ENTPD3: variants seen among roughly 807,000 people sequenced by gnomAD.
ENTPD3 encodes the protein CD39 antigen-like 3.
A neutral mutation model predicts 51.2 loss-of-function variants in ENTPD3; 60 were observed. The observed-to-expected ratio is 1.17, with a 90% CI of 0.95 to 1.45. The LOEUF (loss-of-function observed/expected upper bound fraction) is 1.45, where lower values mean the gene tolerates loss of function less well. ENTPD3 is among the 40% of genes most tolerant of loss of function. ENTPD3 has a pLI of 0.00. For missense variants in ENTPD3, 593 were observed against 641.1 expected, an observed-to-expected ratio of 0.93 and a Z score of 0.81; for synonymous variants, 221 against 238.4, an observed-to-expected ratio of 0.93 and a Z score of 0.67.
chr3:40,398,197 T>G (rs1559509113), intron 3 of ENTPD3, among the ~76,000 whole-genome samples: 1 of 152,118 alleles, frequency 6.6e-6, no homozygotes, highest in South Asian at 2.1e-4. Flanking sequence ...TGGATCCCAG[T>G]TGGAGTTACA....
At chr3:40,420,844 A>C (rs1007351462) in intron 7 of ENTPD3, among the ~76,000 whole-genome samples, 1 of 151,866 alleles carries the variant, frequency 6.6e-6, no homozygotes, top group African/African-American at 2.4e-5. Context: ...GTTGGGCTAA[A>C]TGTCTGAGTC....
In ENTPD3 at chr3:40,392,056, T is replaced by C. The variant is rs1955069690; in HGVS notation, c.74T>C (p.Ile25Thr). 2.5e-6 allele frequency: 4 copies of C among 1,613,968 alleles called. No homozygotes were observed. The highest frequency in any genetic ancestry group is 1.3e-5 in the African/African-American group (1 of 74,940). ...LKALYRTPTI[I>T]ALVVLLVSIV... is the part of the protein sequence containing the mutation. ...GCCCTCTACCGAACTCCAACCATCATTGCCTTGGTGGTCTTGCTTGTGAGT... is the reference window on the plus strand; with the variant it reads ...GCCCTCTACCGAACTCCAACCATCACTGCCTTGGTGGTCTTGCTTGTGAGT... Residue 25 changes from isoleucine (I) to threonine (T), a missense_variant, in exon 3 of 11, where the codon ATT becomes ACT. Coordinates refer to ENST00000301825, the MANE Select transcript of ENTPD3 (RefSeq NM_001248.4).
intron 2 of ENTPD3, among the ~76,000 whole-genome samples, chr3:40,390,334 G>A (rs1273951617): frequency 1.3e-5 from 2 of 152,068 alleles, no homozygotes; most frequent in Non-Finnish European, 2.9e-5. Flanking sequence ...AGTAGCTTGG[G>A]CTACAGGTGT....
intron 4 of ENTPD3, among the ~76,000 whole-genome samples, chr3:40,411,533 T>C (rs4973994): frequency 0.26 from 39,407 of 151,980 alleles, 5,960 homozygotes; most frequent in East Asian, 0.48. Context: ...AGTTTCAATA[T>C]ACTATTCTCT....
At chr3:40,420,488 C>T (rs1955844686) in intron 7 of ENTPD3, among the ~76,000 whole-genome samples, 1 of 152,096 alleles carries the variant, frequency 6.6e-6, no homozygotes, top group African/African-American at 2.4e-5. Flanking sequence ...ATCCGCCCGC[C>T]TTGGCCTCCC....
At position 40,427,830 on chromosome 3, in the gene ENTPD3, T is replaced by G. The variant is rs1956013834; in HGVS notation, c.*322T>G. On this transcript the variant is annotated 3_prime_UTR_variant, in exon 11 of 11. Coordinates refer to ENST00000301825, the MANE Select transcript of ENTPD3 (RefSeq NM_001248.4). ...AGTTGAGAAGGTATCAGTTTAATGT[T>G]GAAGAATTGACCTCAGGGCTCAGTT... The G allele has an allele frequency of 3.3e-6, 1 of 303,976 alleles. No homozygotes were observed. The highest frequency in any genetic ancestry group is 4.6e-5 in the Admixed American group (1 of 21,590). 18.8% of individuals were successfully genotyped at this position (303,976 alleles called of 1,614,324 possible).
chr3:40,406,401 CTG>C (rs151252358), intron 4 of ENTPD3, among the ~76,000 whole-genome samples: 47 of 152,314 alleles, frequency 3.1e-4, no homozygotes, highest in African/African-American at 1.1e-3. Flanking sequence ...AAGGGTTTGA[CTG>C]TGACACAAAT....
At chr3:40,418,951 T>C (rs1408822577) in intron 7 of ENTPD3, among the ~76,000 whole-genome samples, 5 of 152,174 alleles carry the variant, frequency 3.3e-5, no homozygotes, top group African/African-American at 9.6e-5. Context: ...TACATTCTTA[T>C]TGTAAAAATT....
intron 7 of ENTPD3, among the ~76,000 whole-genome samples, chr3:40,418,891 T>C (rs2125608052): frequency 6.6e-6 from 1 of 152,186 alleles, no homozygotes; most frequent in African/African-American, 2.4e-5. Flanking sequence ...ATATTCCAAG[T>C]GCCATAACTT....
At chr3:40,399,282 G>A (rs1333739827) in intron 3 of ENTPD3, among the ~76,000 whole-genome samples, 2 of 152,118 alleles carry the variant, frequency 1.3e-5, no homozygotes, top group Non-Finnish European at 2.9e-5. Context: ...GGATTTGAGG[G>A]ATGCTTTGTT....
intron 7 of ENTPD3, among the ~76,000 whole-genome samples, chr3:40,421,272 C>G (rs556673515): frequency 6.6e-6 from 1 of 152,038 alleles, no homozygotes; most frequent in Non-Finnish European, 1.5e-5. Flanking sequence ...GATCTGCCTG[C>G]CTCAGCCTCC....
chr3:40,414,968 A>G (rs980807420), intron 6 of ENTPD3, 128 bp downstream of exon 6: 2 of 923,650 alleles, frequency 2.2e-6, no homozygotes, highest in Non-Finnish European at 1.7e-6. Context: ...GTAACGCATT[A>G]GGGAAATACC....
chr3:40,409,784 T>C (rs772776917), intron 4 of ENTPD3, among the ~76,000 whole-genome samples: 11 of 152,190 alleles, frequency 7.2e-5, no homozygotes, highest in Non-Finnish European at 1.5e-4. Flanking sequence ...TTAAGTTATG[T>C]TCATGCAATG....
intron 3 of ENTPD3, among the ~76,000 whole-genome samples, chr3:40,393,604 G>A (rs997875761): frequency 6.6e-6 from 1 of 151,802 alleles, no homozygotes; most frequent in African/African-American, 2.4e-5. Context: ...TCCTTGATAG[G>A]ATATTTTATT....
intron 4 of ENTPD3, among the ~76,000 whole-genome samples, chr3:40,406,247 G>A (rs560023409): frequency 6.6e-6 from 1 of 152,254 alleles, no homozygotes; most frequent in South Asian, 2.1e-4. Flanking sequence ...CTGAGCAGAG[G>A]CATGGCAAGG....
Position 40,411,970 on chromosome 3 carries a change from C to T in ENTPD3, c.437+8C>T, listed in dbSNP as rs745473572. 1 of 1,606,748 alleles carries T rather than the reference C, an allele frequency of 6.2e-7. No individual in the cohort carries two copies. The highest frequency in any genetic ancestry group is 1.7e-5 in the Admixed American group (1 of 58,754). On this transcript the variant is annotated splice_region_variant and intron_variant, in intron 5 of 10. Coordinates refer to ENST00000301825, the MANE Select transcript of ENTPD3 (RefSeq NM_001248.4). ...TGGGATGCGCTTGCTGAGGTAAAGG[C>T]TAAGTGGCACAAAGGAGCCCATTTG...
At chr3:40,397,990 T>C (rs1955249900) in intron 3 of ENTPD3, among the ~76,000 whole-genome samples, 1 of 152,152 alleles carries the variant, frequency 6.6e-6, no homozygotes, top group South Asian at 2.1e-4. Context: ...TCACACTGAG[T>C]TTCACTGTTT....
At chr3:40,408,749 G>A (rs888054659) in intron 4 of ENTPD3, among the ~76,000 whole-genome samples, 1 of 151,982 alleles carries the variant, frequency 6.6e-6, no homozygotes, top group Non-Finnish European at 1.5e-5. Flanking sequence ...AAATAAAATG[G>A]AACCAGGCAC....
intron 7 of ENTPD3, among the ~76,000 whole-genome samples, chr3:40,416,452 CA>C (rs1955750342): frequency 6.6e-6 from 1 of 152,138 alleles, no homozygotes; most frequent in Non-Finnish European, 1.5e-5. Context: ...TTAGTGGTCA[CA>C]AGAGAAATGT....
Sources: gnomAD v4.1 joint callset for allele counts (sites outside exome capture counted in the v4.1 genomes callset) on GRCh38, gnomAD v4.1.1 for gene constraint, MANE v1.5 for transcripts, NCBI Gene and HGNC (gene_info 2026-07-23, HGNC 2026-07-21) for gene names.